P2RY10: variants seen among roughly 807,000 people sequenced by gnomAD.
P2RY10 encodes putative P2Y purinoceptor 10.
In P2RY10, 4 loss-of-function variants were observed where a neutral mutation model predicts 12.1. The ratio of observed to expected loss-of-function variants is 0.33; its 90% confidence interval spans 0.16 to 0.76. The LOEUF (loss-of-function observed/expected upper bound fraction) is 0.76, where lower values mean the gene tolerates loss of function less well. Ranked by LOEUF, P2RY10 falls within the 30% of genes least tolerant of loss-of-function variation. The pLI is 0.61. For synonymous variants in P2RY10, 112 were observed against 94.1 expected, an observed-to-expected ratio of 1.19 and a Z score of -1.10; for missense variants, 233 against 264.6, an observed-to-expected ratio of 0.88 and a Z score of 0.83.
At chrX:78,947,205 A>G (rs778724678) in intron 1 of P2RY10, among the ~76,000 whole-genome samples, 1 of 108,189 alleles carries the variant, frequency 9.2e-6, no homozygotes, top group Non-Finnish European at 1.9e-5. Flanking sequence ...ACAGACCAAG[A>G]CTCTGGCTCA....
In P2RY10 at chrX:78,960,692, G is replaced by T; in HGVS notation, c.172G>T (p.Val58Phe). ...TCTGGCTAACAGTGCAGCCTTGTGG[G>T]TTCTGTGCCGCTTCATCAGCAAGAA... ...GLLANSAALW[V>F]LCRFISKKNK... Residue 58 changes from valine (V) to phenylalanine (F), a missense_variant, in exon 4 of 4, where the codon GTT becomes TTT. Val to Phe is a conservative substitution (Grantham distance 50). Transcript: ENST00000171757. 8.3e-7 allele frequency: 1 copy of T among 1,210,567 alleles called. No individual in the cohort carries two copies. The highest frequency in any genetic ancestry group is 1.1e-6 in the Non-Finnish European group (1 of 894,769).
chrX:78,954,521 C>T (rs1402257181), intron 3 of P2RY10, among the ~76,000 whole-genome samples: 8 of 112,196 alleles, frequency 7.1e-5, no homozygotes, highest in Non-Finnish European at 1.5e-4. Flanking sequence ...CCCAAAACTG[C>T]TTATTAAAAA....
At chrX:78,957,708 G>C (rs988212724) in intron 3 of P2RY10, among the ~76,000 whole-genome samples, 1 of 111,526 alleles carries the variant, frequency 9.0e-6, no homozygotes, top group African/African-American at 3.3e-5. Context: ...GCAAAAAAGA[G>C]GTTTTTGGAA....
intron 3 of P2RY10, among the ~76,000 whole-genome samples, chrX:78,956,659 T>A (rs776146554): frequency 9.1e-6 from 1 of 110,496 alleles, no homozygotes; most frequent in Admixed American, 9.6e-5. Flanking sequence ...TGTAATGATG[T>A]ATAGGATTAC....
intron 2 of P2RY10, among the ~76,000 whole-genome samples, chrX:78,950,403 G>A (rs2858571): frequency 1.2e-3 from 128 of 111,092 alleles, no homozygotes; most frequent in African/African-American, 4.0e-3. Flanking sequence ...TATCAGAGCA[G>A]CACAAAGAGT....
At chrX:78,954,394 G>A (rs749638492) in intron 3 of P2RY10, among the ~76,000 whole-genome samples, 28 of 111,117 alleles carry the variant, frequency 2.5e-4, no homozygotes, top group Admixed American at 1.1e-3. Flanking sequence ...AGGTGGGATA[G>A]AATTATTATT....
intron 2 of P2RY10, among the ~76,000 whole-genome samples, chrX:78,948,416 T>C (rs966867118): frequency 8.9e-6 from 1 of 111,990 alleles, no homozygotes; most frequent in African/African-American, 3.2e-5. Flanking sequence ...TTAATACTTA[T>C]TGGGTATCAG....
At chrX:78,959,687 A>C in intron 3 of P2RY10, among the ~76,000 whole-genome samples, 1 of 111,739 alleles carries the variant, frequency 8.9e-6, no homozygotes. Context: ...GCTAGTGCCC[A>C]CAAGCATTGC....
At chrX:78,957,894 A>G (rs1922420398) in intron 3 of P2RY10, among the ~76,000 whole-genome samples, 2 of 112,465 alleles carry the variant, frequency 1.8e-5, no homozygotes, top group African/African-American at 6.5e-5. Context: ...TGTAAGTGAA[A>G]CTTTCTGCAC....
intron 1 of P2RY10, among the ~76,000 whole-genome samples, chrX:78,947,297 T>C (rs1921887893): frequency 8.9e-6 from 1 of 112,082 alleles, no homozygotes; most frequent in Non-Finnish European, 1.9e-5. Flanking sequence ...CAAAGCTGTT[T>C]ATAGTAAAAT....
In P2RY10 at chrX:78,961,625, T is replaced by A. The variant is rs1416074105; in HGVS notation, c.*85T>A. ...GGCCAGAATTGTCAACCAATTTCTTTAATTGAACATTGTAAAAAACAGGAA... is the reference window on the plus strand; with the variant it reads ...GGCCAGAATTGTCAACCAATTTCTTAAATTGAACATTGTAAAAAACAGGAA... On this transcript the variant is annotated 3_prime_UTR_variant, in exon 4 of 4. Coordinates refer to ENST00000171757, the MANE Select transcript of P2RY10 (RefSeq NM_014499.4). The A allele has an allele frequency of 2.9e-6, 2 of 687,445 alleles. No homozygotes were observed. Among genetic ancestry groups the A allele is most frequent in the East Asian group, 6.5e-5 (2 of 30,985 alleles). 56.7% of individuals were successfully genotyped at this position (687,445 alleles called of 1,213,427 possible).
chrX:78,956,664 G>C (rs1922348860), intron 3 of P2RY10, among the ~76,000 whole-genome samples: 1 of 110,407 alleles, frequency 9.1e-6, no homozygotes, highest in Non-Finnish European at 1.9e-5. Context: ...TGATGTATAG[G>C]ATTACCTAGA....
intron 2 of P2RY10, among the ~76,000 whole-genome samples, chrX:78,949,475 G>C (rs1045517671): frequency 8.9e-6 from 1 of 111,876 alleles, no homozygotes; most frequent in Non-Finnish European, 1.9e-5. Flanking sequence ...TTTCAGGCCA[G>C]AGAACCGACA....
At chrX:78,946,883 T>C (rs1409359927) in intron 1 of P2RY10, among the ~76,000 whole-genome samples, 1 of 110,988 alleles carries the variant, frequency 9.0e-6, no homozygotes, top group Non-Finnish European at 1.9e-5. Context: ...CATTTATGGG[T>C]TGTTTTGGTT....
chrX:78,961,060 C>T lies in P2RY10; in HGVS notation c.540C>T (p.Ser180=). 1 of 1,211,159 alleles carries T rather than the reference C, an allele frequency of 8.3e-7. No individual in the cohort carries two copies. The highest frequency in any genetic ancestry group is 1.1e-6 in the Non-Finnish European group (1 of 895,009). ...GCACAGACTTAAACAACAACAAGTCCTGCTTTGCTGATCTTGGATACAAGC... is the reference window on the plus strand; with the variant it reads ...GCACAGACTTAAACAACAACAAGTCTTGCTTTGCTGATCTTGGATACAAGC... The part of the protein sequence containing the change: ...LRSTDLNNNK[S]CFADLGYKQM... The change falls in exon 4 of 4, where the codon TCC becomes TCT. Residue 180 remains serine (S), a synonymous_variant. Transcript: ENST00000171757.
rs1441861064 is a variant in P2RY10 at position 78,961,605 on chromosome X, G to A, written c.*65G>A. 3.5e-6 allele frequency: 3 copies of A among 848,906 alleles called. No homozygotes were observed. In the African/African-American group the frequency reaches 6.1e-5, roughly 17 times the overall value. The allele number at this position is 848,906 out of a possible 1,213,427, so 70.0% of individuals were successfully genotyped here. On this transcript the variant is annotated 3_prime_UTR_variant, in exon 4 of 4. Coordinates refer to ENST00000171757, the MANE Select transcript of P2RY10 (RefSeq NM_014499.4). Reference sequence around the variant, plus strand: ...GTTCCTTGTCTTTTTCCAAAGGCCAGAATTGTCAACCAATTTCTTTAATTG... The same window carrying A: ...GTTCCTTGTCTTTTTCCAAAGGCCAAAATTGTCAACCAATTTCTTTAATTG...
intron 3 of P2RY10, among the ~76,000 whole-genome samples, chrX:78,957,387 C>CACACACACAG (rs760263078): frequency 4.0e-5 from 3 of 75,811 alleles, no homozygotes; most frequent in Admixed American, 1.5e-4. Context: ...CACACACACA[C>CACACACACAG]AGAGAGAGAG....
Position 78,961,637 on chromosome X carries a change from G to T in P2RY10, c.*97G>T. Reference sequence around the variant, plus strand: ...CAACCAATTTCTTTAATTGAACATTGTAAAAAACAGGAATAAGTACTTTTG... The same window carrying T: ...CAACCAATTTCTTTAATTGAACATTTTAAAAAACAGGAATAAGTACTTTTG... On this transcript the variant is annotated 3_prime_UTR_variant, in exon 4 of 4. Coordinates refer to ENST00000171757, the MANE Select transcript of P2RY10 (RefSeq NM_014499.4). 1.6e-6 allele frequency: 1 copy of T among 622,844 alleles called. No individual in the cohort carries two copies. Among genetic ancestry groups the T allele is most frequent in the Non-Finnish European group, 2.5e-6 (1 of 395,862 alleles). The allele number at this position is 622,844 out of a possible 1,213,427, so 51.3% of individuals were successfully genotyped here. A position where few individuals can be genotyped will look rare whatever the true frequency, so the allele number is the denominator to read the frequency against.
Position 78,952,323 on chromosome X carries a change from C to A in P2RY10, c.-26C>A. ...GGAAGCATGTACCCTGGACAGAGCA[C>A]TTCAAACTAGAGGTACCAAGAGTAA... On this transcript the variant is annotated 5_prime_UTR_variant, in exon 3 of 4. Coordinates refer to ENST00000171757, the MANE Select transcript of P2RY10 (RefSeq NM_014499.4). 1.3e-6 allele frequency: 1 copy of A among 752,499 alleles called. No individual in the cohort carries two copies. Among genetic ancestry groups the A allele is most frequent in the African/African-American group, 2.3e-5 (1 of 43,731 alleles). The allele number at this position is 752,499 out of a possible 1,213,427, so 62.0% of individuals were successfully genotyped here. A position where few individuals can be genotyped will look rare whatever the true frequency, so the allele number is the denominator to read the frequency against.
Sources: allele counts gnomAD v4.1 joint callset (sites outside exome capture counted in the v4.1 genomes callset), GRCh38; gene constraint gnomAD v4.1.1; transcripts MANE v1.5; gene names NCBI Gene and HGNC (gene_info 2026-07-23, HGNC 2026-07-21).